Variants in HYDIN observed in about 807,000 individuals in gnomAD.
HYDIN encodes the protein HYDIN axonemal central pair apparatus protein, also known as axonemal central pair apparatus protein HYDIN.
HYDIN carries 132 observed loss-of-function variants against 403.9 expected under a neutral mutation model. That is an observed-to-expected ratio of 0.33 (90% CI 0.28 to 0.38). The LOEUF (loss-of-function observed/expected upper bound fraction) is 0.38, where lower values mean the gene tolerates loss of function less well. HYDIN is among the 10% of genes least tolerant of loss of function. HYDIN has a pLI of 1.00. For missense variants in HYDIN, 2,827 were observed against 5,009.5 expected (o/e 0.56, Z 13.15); for synonymous variants, 1,202 against 1,891.7 (o/e 0.64, Z 9.46).
chr16:70,853,283 G>A (rs1436946061), intron 73 of HYDIN, among the ~76,000 whole-genome samples: 2 of 152,096 alleles, frequency 1.3e-5, no homozygotes, highest in Admixed American at 6.6e-5. Flanking sequence ...GGTTCAGCCA[G>A]TCTGGAAAGC....
chr16:71,118,146 C>A (rs886747279), intron 9 of HYDIN, among the ~76,000 whole-genome samples: 1 of 152,146 alleles, frequency 6.6e-6, no homozygotes, highest in African/African-American at 2.4e-5. Context: ...GTTTATCATC[C>A]CACTAAGGTT....
intron 60 of HYDIN, among the ~76,000 whole-genome samples, chr16:70,881,746 T>C (rs1222748053): frequency 6.6e-6 from 1 of 152,234 alleles, no homozygotes; most frequent in Non-Finnish European, 1.5e-5. Context: ...CATATGTAGC[T>C]CTAGGCTGAT....
chr16:70,981,345 G>T, intron 29 of HYDIN, 46 bp downstream of exon 29: 3 of 1,557,528 alleles, frequency 1.9e-6, no homozygotes, highest in Non-Finnish European at 1.7e-6. Context: ...AAGCTAAAAT[G>T]CTTGTTTTGT....
At chr16:70,844,815 G>A (rs1035664192) in intron 75 of HYDIN, among the ~76,000 whole-genome samples, 1 of 150,534 alleles carries the variant, frequency 6.6e-6, no homozygotes, top group Non-Finnish European at 1.5e-5. Context: ...AATTGTGAAT[G>A]GGAGTTCACT....
chr16:71,100,626 T>C (rs2083430299), intron 10 of HYDIN, among the ~76,000 whole-genome samples: 1 of 152,196 alleles, frequency 6.6e-6, no homozygotes, highest in South Asian at 2.1e-4. Flanking sequence ...AGAGTAGGTG[T>C]TGAATATCAG....
At chr16:71,225,927 A>C (rs2041014016) in intron 1 of HYDIN, among the ~76,000 whole-genome samples, 1 of 152,214 alleles carries the variant, frequency 6.6e-6, no homozygotes, top group Non-Finnish European at 1.5e-5. Context: ...GGACTAAATC[A>C]AAGGAGGTAT....
chr16:70,964,691 T>C, intron 37 of HYDIN, 37 bp downstream of exon 37: 1 of 1,608,824 alleles, frequency 6.2e-7, no homozygotes, highest in Non-Finnish European at 8.5e-7. Context: ...GCAAAGGCAA[T>C]GGTTAGCATG....
At chr16:70,920,523 C>T in intron 46 of HYDIN, 68 bp downstream of exon 46, 1 of 1,210,058 alleles carries the variant, frequency 8.3e-7, no homozygotes, top group South Asian at 1.5e-5. Flanking sequence ...GAGAAGCACC[C>T]CTGATGACCT....
chr16:70,916,631 G>A lies in HYDIN; in HGVS notation c.8004+1580C>T, dbSNP rs568612810. Among the ~76,000 whole-genome samples the A allele has an allele frequency of 3.3e-5, 5 of 152,236 alleles. No homozygotes were observed. In the South Asian group the frequency reaches 8.3e-4, roughly 25 times the overall value. On this transcript the variant is annotated intron_variant, in intron 47 of 85. Transcript: ENST00000393567. ...GCGAGACTTGCTGCTCTATCCACCC[G>A]AGTTGGAGTTGCATCCAGTCCTGCC...
intron 23 of HYDIN, among the ~76,000 whole-genome samples, chr16:70,994,533 T>G (rs980983084): frequency 6.6e-6 from 1 of 151,322 alleles, no homozygotes; most frequent in Non-Finnish European, 1.5e-5. Flanking sequence ...AACCACTCCA[T>G]TAGGGGCAGA....
Position 70,833,917 on chromosome 16 carries a change from A to T in HYDIN, c.13649T>A (p.Leu4550His). Residue 4550 changes from leucine to histidine, a missense_variant, in exon 79 of 86, where the codon CTC (leucine) becomes CAC (histidine). Physicochemically the swap from Leu to His is moderately conservative, Grantham distance 99. Coordinates refer to ENST00000393567, the MANE Select transcript of HYDIN (RefSeq NM_001270974.2). ...ACCCACATCGCCTGTGTTCATCATGAGGATGCGACGTGTGGCTTGCGTCTG... is the reference window on the plus strand; with the variant it reads ...ACCCACATCGCCTGTGTTCATCATGTGGATGCGACGTGTGGCTTGCGTCTG... ...VYQTQATRRI[L>H]MMNTGDVGAR... 2 of 1,613,632 alleles carry T rather than the reference A, an allele frequency of 1.2e-6. No homozygotes were observed. The highest frequency in any genetic ancestry group is 1.7e-6 in the Non-Finnish European group (2 of 1,179,854).
At chr16:71,182,243 G>A (rs1036430490) in intron 3 of HYDIN, among the ~76,000 whole-genome samples, 12 of 152,084 alleles carry the variant, frequency 7.9e-5, no homozygotes, top group African/African-American at 2.9e-4. Context: ...TTTATTATAT[G>A]AGTAATGGGA....
chr16:70,982,044 C>T (rs546634083), intron 28 of HYDIN, among the ~76,000 whole-genome samples: 1 of 149,578 alleles, frequency 6.7e-6, no homozygotes, highest in Admixed American at 6.7e-5. Flanking sequence ...AGGAGAATGG[C>T]GTGAACCCGG....
At chr16:71,015,655 C>T (rs1271104471) in intron 23 of HYDIN, among the ~76,000 whole-genome samples, 5 of 151,538 alleles carry the variant, frequency 3.3e-5, no homozygotes, top group East Asian at 1.9e-4. Context: ...GCTAGGTCAT[C>T]GTTAGATGTC....
Position 71,058,556 on chromosome 16 carries a change from C to A in HYDIN, c.2529+1948G>T, listed in dbSNP as rs892730321. On this transcript the variant is annotated intron_variant, in intron 18 of 85. Coordinates refer to ENST00000393567, the MANE Select transcript of HYDIN (RefSeq NM_001270974.2). ...CATGTATACATATGTAACTAACCTG[C>A]ACAATGTGCACATGTACCCTAAAAC... Among the ~76,000 whole-genome samples the A allele has an allele frequency of 2.3e-5, 3 of 128,212 alleles. No homozygotes were observed. The East Asian group carries it at 6.6e-4, about 28-fold the overall frequency. 84.1% of individuals were successfully genotyped at this position (128,212 alleles called of 152,430 possible).
At chr16:71,200,051 C>T (rs539856256) in intron 1 of HYDIN, among the ~76,000 whole-genome samples, 87 of 152,274 alleles carry the variant, frequency 5.7e-4, no homozygotes, top group Admixed American at 1.5e-3. Flanking sequence ...ACCAAGATGG[C>T]CACGAGAATG....
rs1265980355 is a variant in HYDIN, at chr16:70,982,160, C to T, written c.4333-592G>A. ...AAAAAAAGAAAAAAAAAAGAAAAATCGTTCATAAATATATAGTAAAATAGT... is the reference window on the plus strand; with the variant it reads ...AAAAAAAGAAAAAAAAAAGAAAAATTGTTCATAAATATATAGTAAAATAGT... On this transcript the variant is annotated intron_variant, in intron 28 of 85. Coordinates refer to ENST00000393567, the MANE Select transcript of HYDIN (RefSeq NM_001270974.2). 4.7e-5 allele frequency among the ~76,000 whole-genome samples: 7 copies of T among 149,786 alleles called. No individual in the cohort carries two copies. In the East Asian group the frequency reaches 1.4e-3, roughly 29 times the overall value.
Position 71,186,791 on chromosome 16 carries a change from C to T in HYDIN, c.105G>A (p.Lys35=), listed in dbSNP as rs748578867. ...QSKVLPPLSP[K]VVTEEEVNRM... Reference sequence around the variant, plus strand: ...GGTTTACTTCTTCTTCTGTAACCACCTTTGGACTCAGGGGTGGCAAAACCT... The same window carrying T: ...GGTTTACTTCTTCTTCTGTAACCACTTTTGGACTCAGGGGTGGCAAAACCT... Residue 35 remains lysine, a synonymous_variant, in exon 2 of 86, where the codon AAG becomes AAA. Transcript: ENST00000393567. The T allele has an allele frequency of 1.2e-6, 2 of 1,613,444 alleles. No homozygotes were observed. The highest frequency in any genetic ancestry group is 1.7e-5 in the Admixed American group (1 of 59,968).
chr16:71,190,556 T>C (rs1176064859), intron 1 of HYDIN, among the ~76,000 whole-genome samples: 2 of 152,220 alleles, frequency 1.3e-5, no homozygotes, highest in African/African-American at 2.4e-5. Flanking sequence ...AATTACTCTT[T>C]ATAAAAGAAT....
Sources: gnomAD v4.1 joint callset for allele counts (sites outside exome capture counted in the v4.1 genomes callset) on GRCh38, gnomAD v4.1.1 for gene constraint, MANE v1.5 for transcripts, NCBI Gene and HGNC (gene_info 2026-07-23, HGNC 2026-07-21) for gene names.